UNC5D: variants seen among roughly 807,000 people sequenced by gnomAD.
UNC5D encodes unc-5 netrin receptor D.
In UNC5D, 39 loss-of-function variants were observed where a neutral mutation model predicts 105.4. The observed-to-expected ratio is 0.37, with a 90% CI of 0.29 to 0.48. UNC5D has a LOEUF of 0.48. Among genes scored for constraint, UNC5D ranks in the 20% least tolerant of loss-of-function variants. The pLI is 0.98. For missense variants in UNC5D, 991 were observed against 1,202.4 expected (o/e 0.82, Z 2.60); for synonymous variants, 452 against 450.4 (o/e 1.00, Z -0.04).
At chr8:35,284,079 G>C (rs753830901) in intron 1 of UNC5D, among the ~76,000 whole-genome samples, 2 of 152,072 alleles carry the variant, frequency 1.3e-5, no homozygotes, top group African/African-American at 4.8e-5. Flanking sequence ...GAAAATCTTG[G>C]TCTTGGCCAG....
chr8:35,269,138 A>G (rs1805095807), intron 1 of UNC5D, among the ~76,000 whole-genome samples: 1 of 152,256 alleles, frequency 6.6e-6, no homozygotes, highest in African/African-American at 2.4e-5. Context: ...TACAAATTAT[A>G]TGAATGTAGT....
intron 16 of UNC5D, among the ~76,000 whole-genome samples, chr8:35,783,150 GA>G (rs557914928): frequency 0.052 from 6,757 of 130,076 alleles, 207 homozygotes; most frequent in Middle Eastern, 0.16. Context: ...CTTGGAGAAA[GA>G]AAAAAAAAAA....
chr8:35,297,526 G>A (rs1807584304), intron 1 of UNC5D, among the ~76,000 whole-genome samples: 1 of 152,082 alleles, frequency 6.6e-6, no homozygotes, highest in African/African-American at 2.4e-5. Context: ...GTTGGCTGAG[G>A]CTACATCAGG....
intron 4 of UNC5D, among the ~76,000 whole-genome samples, chr8:35,657,685 T>G (rs370900263): frequency 6.6e-6 from 1 of 152,118 alleles, no homozygotes. Context: ...CGAATTTTGT[T>G]ATATTGCACA....
chr8:35,584,519 A>T (rs1274682893), intron 3 of UNC5D, among the ~76,000 whole-genome samples: 1 of 151,958 alleles, frequency 6.6e-6, no homozygotes, highest in African/African-American at 2.4e-5. Flanking sequence ...GGCCCACACG[A>T]TTCTCCTGTC....
At chr8:35,281,334 C>T (rs2128849918) in intron 1 of UNC5D, among the ~76,000 whole-genome samples, 1 of 152,252 alleles carries the variant, frequency 6.6e-6, no homozygotes, top group East Asian at 1.9e-4. Context: ...CACCATTTAT[C>T]AAAGAGCTAT....
At chr8:35,644,117 G>A (rs962860754) in intron 4 of UNC5D, among the ~76,000 whole-genome samples, 13 of 152,050 alleles carry the variant, frequency 8.5e-5, no homozygotes, top group African/African-American at 2.4e-4. Context: ...CATGTATTGC[G>A]GACATTTGTA....
intron 1 of UNC5D, among the ~76,000 whole-genome samples, chr8:35,476,613 AGTGTCTTCCCTTC>A (rs1810117668): frequency 6.6e-6 from 1 of 152,040 alleles, no homozygotes. Flanking sequence ...GCCAATGACA[AGTGTCTTCCCTTC>A]GTTTATTTCA....
At chr8:35,332,427 T>A (rs559139857) in intron 1 of UNC5D, among the ~76,000 whole-genome samples, 17 of 152,324 alleles carry the variant, frequency 1.1e-4, no homozygotes, top group African/African-American at 4.1e-4. Flanking sequence ...GAAGCAAATA[T>A]CTTTTCCTTA....
chr8:35,266,306 G>A (rs925231999), intron 1 of UNC5D, among the ~76,000 whole-genome samples: 2 of 152,150 alleles, frequency 1.3e-5, no homozygotes, highest in Non-Finnish European at 2.9e-5. Flanking sequence ...CAACATTATA[G>A]CATTCAATTG....
intron 10 of UNC5D, 106 bp from the exon 11 acceptor site, chr8:35,730,906 C>A: frequency 1.1e-6 from 1 of 898,406 alleles, no homozygotes; most frequent in Non-Finnish European, 1.7e-6. Context: ...CATAAATTGC[C>A]ATGAGAAAGT....
intron 1 of UNC5D, among the ~76,000 whole-genome samples, chr8:35,317,497 T>A (rs1809395676): frequency 6.6e-6 from 1 of 152,148 alleles, no homozygotes; most frequent in African/African-American, 2.4e-5. Flanking sequence ...TATAACAGTT[T>A]ATCAGGATGT....
intron 8 of UNC5D, among the ~76,000 whole-genome samples, chr8:35,720,839 G>A (rs1278832492): frequency 7.0e-6 from 1 of 143,860 alleles, no homozygotes; most frequent in East Asian, 2.0e-4. Context: ...TTCAGATGCT[G>A]TTTTTTTTTT....
chr8:35,743,764 C>CAT (rs755649266), intron 11 of UNC5D, among the ~76,000 whole-genome samples: 2 of 151,852 alleles, frequency 1.3e-5, no homozygotes, highest in African/African-American at 2.4e-5. Context: ...AAAGTCAATA[C>CAT]ATATATATAC....
At chr8:35,501,296 A>T (rs757990421) in intron 1 of UNC5D, among the ~76,000 whole-genome samples, 9 of 152,248 alleles carry the variant, frequency 5.9e-5, no homozygotes, top group Non-Finnish European at 8.8e-5. Flanking sequence ...GAAAGCAAAG[A>T]GTCCCCACCA....
chr8:35,697,140 TACACACACAC>T (rs10552113), intron 7 of UNC5D, among the ~76,000 whole-genome samples: 1 of 148,222 alleles, frequency 6.7e-6, no homozygotes, highest in African/African-American at 2.5e-5. Context: ...TATATATACA[TACACACACAC>T]ACACACACAC....
intron 1 of UNC5D, among the ~76,000 whole-genome samples, chr8:35,385,409 G>C (rs1007083795): frequency 6.7e-6 from 1 of 148,894 alleles, no homozygotes; most frequent in African/African-American, 2.5e-5. Context: ...GATGGTTACT[G>C]TATTAGATAG....
chr8:35,746,661 T>G (rs1009357159), intron 11 of UNC5D, among the ~76,000 whole-genome samples: 1 of 152,232 alleles, frequency 6.6e-6, no homozygotes, highest in African/African-American at 2.4e-5. Flanking sequence ...AGAGTTCATC[T>G]AATTAGCTGA....
rs140276744 is a variant in UNC5D, at chr8:35,424,890, T to C, written c.104-124402T>C. 3.0e-3 allele frequency among the ~76,000 whole-genome samples: 455 copies of C among 152,378 alleles called. 2 individuals carry two copies. The highest frequency in any genetic ancestry group is 0.01 in the African/African-American group (430 of 41,592). On this transcript the variant is annotated intron_variant, in intron 1 of 16. Transcript: ENST00000404895. ...AAGTTGACACCTAGGTGGTGTGTTCTACAGGGCTGCTGACTTGTTTTCTCC... is the reference window on the plus strand; with the variant it reads ...AAGTTGACACCTAGGTGGTGTGTTCCACAGGGCTGCTGACTTGTTTTCTCC...
Sources: allele counts gnomAD v4.1 joint callset (sites outside exome capture counted in the v4.1 genomes callset), GRCh38; gene constraint gnomAD v4.1.1; transcripts MANE v1.5; gene names NCBI Gene and HGNC (gene_info 2026-07-23, HGNC 2026-07-21).